AK4: variants seen among roughly 807,000 people sequenced by gnomAD.
AK4 encodes adenylate kinase 4, mitochondrial.
A neutral mutation model predicts 24.6 loss-of-function variants in AK4; 13 were observed. The ratio of observed to expected loss-of-function variants is 0.53; its 90% CI spans 0.34 to 0.84. The LOEUF (loss-of-function observed/expected upper bound fraction) is 0.84. AK4 is among the 40% of genes least tolerant of loss of function. AK4 has a pLI of 0.01. For missense variants in AK4, 192 were observed against 288.2 expected (o/e 0.67, Z 2.42); for synonymous variants, 88 against 107.0 (o/e 0.82, Z 1.10).
chr1:65,223,522 G>A (rs77402004), intron 3 of AK4, among the ~76,000 whole-genome samples: 1 of 151,858 alleles, frequency 6.6e-6, no homozygotes, highest in Non-Finnish European at 1.5e-5. Flanking sequence ...TGATGAGAGT[G>A]GGGGGGTTCT....
At chr1:65,211,104 T>C (rs1192478888) in intron 2 of AK4, among the ~76,000 whole-genome samples, 3 of 140,744 alleles carry the variant, frequency 2.1e-5, no homozygotes, top group Non-Finnish European at 4.6e-5. Context: ...AACCATGCTG[T>C]ACTCTGCAGT....
chr1:65,203,721 C>A (rs1033164114), intron 2 of AK4, among the ~76,000 whole-genome samples: 2 of 152,090 alleles, frequency 1.3e-5, no homozygotes, highest in Non-Finnish European at 2.9e-5. Context: ...AGGAGAATTG[C>A]TTGAACCTGG....
chr1:65,170,141 C>T (rs1168468670), intron 1 of AK4, among the ~76,000 whole-genome samples: 1 of 152,070 alleles, frequency 6.6e-6, no homozygotes, highest in Non-Finnish European at 1.5e-5. Flanking sequence ...CTTTGGGAGG[C>T]GGAGGCGGGC....
At chr1:65,172,189 G>C (rs1048735985) in intron 1 of AK4, among the ~76,000 whole-genome samples, 2 of 148,300 alleles carry the variant, frequency 1.3e-5, no homozygotes, top group Non-Finnish European at 3.0e-5. Flanking sequence ...CGTAACTTTT[G>C]TTTGTTGACT....
intron 2 of AK4, among the ~76,000 whole-genome samples, chr1:65,201,321 A>T (rs771327798): frequency 3.9e-5 from 6 of 151,992 alleles, no homozygotes; most frequent in South Asian, 2.1e-4. Context: ...CTCCATGTCC[A>T]TTTCCAGTGT....
chr1:65,203,324 T>C (rs1651720146), intron 2 of AK4, among the ~76,000 whole-genome samples: 1 of 152,132 alleles, frequency 6.6e-6, no homozygotes, highest in South Asian at 2.1e-4. Context: ...ATGGTAGACA[T>C]TTGATATTAT....
At chr1:65,209,102 CTGTT>C (rs1651897071) in intron 2 of AK4, among the ~76,000 whole-genome samples, 1 of 152,124 alleles carries the variant, frequency 6.6e-6, no homozygotes. Flanking sequence ...TCTGGATTGG[CTGTT>C]TGAATGAAAA....
At chr1:65,212,989 C>T (rs1441687102) in intron 2 of AK4, among the ~76,000 whole-genome samples, 1 of 152,180 alleles carries the variant, frequency 6.6e-6, no homozygotes, top group Non-Finnish European at 1.5e-5. Context: ...GACTTGGAAG[C>T]CATGTAGTCC....
intron 3 of AK4, among the ~76,000 whole-genome samples, chr1:65,222,964 G>A (rs979676932): frequency 3.3e-5 from 5 of 151,744 alleles, no homozygotes; most frequent in Non-Finnish European, 7.4e-5. Flanking sequence ...ATGATTCCTG[G>A]GGAGATTAAA....
chr1:65,212,083 A>C (rs1432555180), intron 2 of AK4, among the ~76,000 whole-genome samples: 1 of 152,126 alleles, frequency 6.6e-6, no homozygotes, highest in African/African-American at 2.4e-5. Context: ...GCTGGCACGG[A>C]GACGTGGACA....
At chr1:65,225,882 A>G (rs956038674) in intron 4 of AK4, among the ~76,000 whole-genome samples, 181 bp from the exon 5 acceptor site, 1 of 152,210 alleles carries the variant, frequency 6.6e-6, no homozygotes, top group Non-Finnish European at 1.5e-5. Flanking sequence ...TGCAAAAGCT[A>G]TGACCTTATT....
chr1:65,185,599 G>A (rs1651069329), intron 1 of AK4, among the ~76,000 whole-genome samples: 1 of 151,698 alleles, frequency 6.6e-6, no homozygotes, highest in African/African-American at 2.4e-5. Flanking sequence ...AAATAAGGTT[G>A]GGCTGTGAAA....
chr1:65,187,208 A>G (rs4916028), intron 1 of AK4, among the ~76,000 whole-genome samples: 65,804 of 151,706 alleles, frequency 0.43, 15,742 homozygotes, highest in East Asian at 0.67. Flanking sequence ...TTAGCTGGGC[A>G]TGGTGGCGGG....
At chr1:65,214,230 C>T (rs1258036144) in intron 2 of AK4, among the ~76,000 whole-genome samples, 1 of 152,180 alleles carries the variant, frequency 6.6e-6, no homozygotes, top group Non-Finnish European at 1.5e-5. Flanking sequence ...CCTGCCTCAG[C>T]CTCCTGAGTA....
chr1:65,158,881 C>T (rs1650062540), intron 1 of AK4, among the ~76,000 whole-genome samples: 1 of 152,102 alleles, frequency 6.6e-6, no homozygotes. Flanking sequence ...TTTACCCCCT[C>T]CACTTGATGT....
At chr1:65,182,027 C>A (rs1650925674) in intron 1 of AK4, among the ~76,000 whole-genome samples, 1 of 152,102 alleles carries the variant, frequency 6.6e-6, no homozygotes, top group South Asian at 2.1e-4. Flanking sequence ...GTGATCCTCC[C>A]ACTTCAATCT....
At chr1:65,206,886 T>C (rs935308140) in intron 2 of AK4, among the ~76,000 whole-genome samples, 1 of 152,228 alleles carries the variant, frequency 6.6e-6, no homozygotes. Context: ...TTTTCCCTTA[T>C]GGGAAAAGGG....
At chr1:65,181,171 C>T (rs986547824) in intron 1 of AK4, among the ~76,000 whole-genome samples, 1 of 147,458 alleles carries the variant, frequency 6.8e-6, no homozygotes, top group East Asian at 1.9e-4. Context: ...GTGCTAGAAA[C>T]AATAACAATT....
At chr1:65,165,965 A>G (rs928601934) in intron 1 of AK4, 5 of 152,308 alleles carry the variant, frequency 3.3e-5, no homozygotes, top group Non-Finnish European at 1.5e-5. Context: ...TGAGCTTAAC[A>G]TACCTGTGAG....
Sources: gnomAD v4.1 joint callset for allele counts (sites outside exome capture counted in the v4.1 genomes callset) on GRCh38, gnomAD v4.1.1 for gene constraint, MANE v1.5 for transcripts, NCBI Gene and HGNC (gene_info 2026-07-23, HGNC 2026-07-21) for gene names.